The following PALM2AKAP2 variants were observed in gnomAD, a reference collection of about 807,000 sequenced individuals.
The protein encoded by PALM2AKAP2 is PALM2 and AKAP2 fusion, also known as PALM2-AKAP2 fusion protein.
Under a neutral mutation model 71.5 loss-of-function variants are expected in PALM2AKAP2, and 37 were observed. That is an observed-to-expected ratio of 0.52 (90% CI 0.40 to 0.68). The LOEUF (loss-of-function observed/expected upper bound fraction) is 0.68, where lower values mean the gene tolerates loss of function less well. Among genes scored for constraint, PALM2AKAP2 ranks in the 30% least tolerant of loss-of-function variants. The probability of loss-of-function intolerance (pLI) is 0.00; values close to 1 mark genes in which losing one functional copy is unlikely to be tolerated. For synonymous variants in PALM2AKAP2, 468 were observed against 478.8 expected, an observed-to-expected ratio of 0.98 and a Z score of 0.29; for missense variants, 1,224 against 1,191.8, an observed-to-expected ratio of 1.03 and a Z score of -0.40.
intron 1 of PALM2AKAP2, among the ~76,000 whole-genome samples, chr9:109,658,930 T>G (rs973320015): frequency 6.6e-6 from 1 of 152,218 alleles, no homozygotes; most frequent in Non-Finnish European, 1.5e-5. Context: ...GCAGGACCTT[T>G]ATGTGAAAAA....
At chr9:109,725,785 C>CA (rs1417639500) in intron 1 of PALM2AKAP2, among the ~76,000 whole-genome samples, 1 of 151,908 alleles carries the variant, frequency 6.6e-6, no homozygotes, top group Non-Finnish European at 1.5e-5. Flanking sequence ...CATGTAACTC[C>CA]AAAAAAAGTC....
At chr9:109,729,703 A>G (rs1472809487) in intron 1 of PALM2AKAP2, among the ~76,000 whole-genome samples, 1 of 152,212 alleles carries the variant, frequency 6.6e-6, no homozygotes, top group African/African-American at 2.4e-5. Flanking sequence ...CAAGGTGCAT[A>G]TTCTCCCAGA....
At chr9:109,920,024 G>A (rs751548412) in intron 3 of PALM2AKAP2, among the ~76,000 whole-genome samples, 11 of 152,150 alleles carry the variant, frequency 7.2e-5, no homozygotes, top group Non-Finnish European at 1.6e-4. Flanking sequence ...CCTATCTATG[G>A]GTTTGCCTCA....
chr9:109,833,615 A>T (rs990901835), intron 1 of PALM2AKAP2, among the ~76,000 whole-genome samples: 7 of 152,168 alleles, frequency 4.6e-5, no homozygotes, highest in African/African-American at 1.7e-4. Flanking sequence ...TCGAAGCATG[A>T]TTCAGTTGGG....
rs76777731 is a variant in PALM2AKAP2, at chr9:110,028,629, T to C, written c.582+12590T>C. Among the ~76,000 whole-genome samples the C allele has an allele frequency of 8.5e-5, 13 of 152,252 alleles. 1 individual carries two copies. In the East Asian group the frequency reaches 2.3e-3, roughly 27 times the overall value. On this transcript the variant is annotated intron_variant, in intron 7 of 9. Transcript: ENST00000302798. ...GGAAGGACACTTTGTAGCCTCTCTG[T>C]TTGGGTTTTAATAAGTGCAGGTTTA...
intron 1 of PALM2AKAP2, among the ~76,000 whole-genome samples, chr9:109,812,400 CTT>C (rs1317704586): frequency 7.2e-5 from 11 of 152,094 alleles, no homozygotes; most frequent in African/African-American, 2.7e-4. Flanking sequence ...GGGTTGGTCT[CTT>C]TGCTGGGCAA....
intron 1 of PALM2AKAP2, among the ~76,000 whole-genome samples, chr9:109,755,879 T>C (rs1244984997): frequency 6.6e-6 from 1 of 152,126 alleles, no homozygotes; most frequent in African/African-American, 2.4e-5. Context: ...TCATCATCAA[T>C]ACATACTTGG....
intron 1 of PALM2AKAP2, among the ~76,000 whole-genome samples, chr9:109,664,310 T>A (rs2118467049): frequency 6.6e-6 from 1 of 152,334 alleles, no homozygotes; most frequent in East Asian, 1.9e-4. Context: ...TTTGCCTGTT[T>A]TTGCGGTGGC....
At chr9:109,990,182 G>A (rs762584116) in intron 6 of PALM2AKAP2, among the ~76,000 whole-genome samples, 9 of 149,134 alleles carry the variant, frequency 6.0e-5, no homozygotes, top group Non-Finnish European at 1.2e-4. Flanking sequence ...AGTGATTCTC[G>A]TGCCTCAGCC....
At chr9:109,883,029 ATGT>A (rs1483318987) in intron 3 of PALM2AKAP2, among the ~76,000 whole-genome samples, 2 of 152,118 alleles carry the variant, frequency 1.3e-5, no homozygotes, top group Non-Finnish European at 2.9e-5. Flanking sequence ...GAATGCAAAT[ATGT>A]TGTTATTATG....
chr9:110,120,496 C>T (rs1469100174), intron 1 of PALM2AKAP2, among the ~76,000 whole-genome samples: 1 of 152,204 alleles, frequency 6.6e-6, no homozygotes, highest in Non-Finnish European at 1.5e-5. Context: ...ACCCTCTTCT[C>T]TCTGAAAGCC....
chr9:109,918,043 A>G (rs534695400), intron 3 of PALM2AKAP2, among the ~76,000 whole-genome samples: 1 of 152,318 alleles, frequency 6.6e-6, no homozygotes, highest in South Asian at 2.1e-4. Context: ...CAACTATTCT[A>G]CAGCATGTTG....
chr9:109,984,114 C>T (rs1341074929), intron 6 of PALM2AKAP2, among the ~76,000 whole-genome samples: 1 of 152,016 alleles, frequency 6.6e-6, no homozygotes, highest in African/African-American at 2.4e-5. Context: ...CTTTTTGGTG[C>T]GAACTTCTCC....
intron 2 of PALM2AKAP2, among the ~76,000 whole-genome samples, chr9:109,868,482 A>G (rs10980100): frequency 0.32 from 48,991 of 151,950 alleles, 7,787 homozygotes; most frequent in Admixed American, 0.36. Context: ...TGCTCAGAGG[A>G]CTGGGTGGGA....
intron 2 of PALM2AKAP2, among the ~76,000 whole-genome samples, chr9:109,870,998 A>G (rs1355713053): frequency 1.3e-5 from 2 of 152,244 alleles, no homozygotes; most frequent in African/African-American, 2.4e-5. Flanking sequence ...TATTCTTTAT[A>G]TAATTCTCAT....
chr9:110,016,900 G>A (rs1223068232), intron 7 of PALM2AKAP2, among the ~76,000 whole-genome samples: 1 of 151,574 alleles, frequency 6.6e-6, no homozygotes, highest in East Asian at 1.9e-4. Flanking sequence ...TTTTTTTTGA[G>A]ACGGAGTCTC....
intron 1 of PALM2AKAP2, among the ~76,000 whole-genome samples, chr9:110,132,360 C>CA (rs1835753743): frequency 6.9e-6 from 1 of 144,968 alleles, no homozygotes; most frequent in African/African-American, 2.5e-5. Context: ...GTGCGGGCTT[C>CA]TTTTTTTTTT....
intron 1 of PALM2AKAP2, among the ~76,000 whole-genome samples, chr9:110,070,010 A>G (rs1350748653): frequency 6.6e-6 from 1 of 152,172 alleles, no homozygotes; most frequent in Non-Finnish European, 1.5e-5. Context: ...TAATCGTGAG[A>G]CCCAGGAGAG....
chr9:109,788,391 C>T (rs1384267462), intron 1 of PALM2AKAP2, among the ~76,000 whole-genome samples: 1 of 152,076 alleles, frequency 6.6e-6, no homozygotes, highest in African/African-American at 2.4e-5. Flanking sequence ...GCCATTTGAC[C>T]GATGTTTTTG....
Sources: gnomAD v4.1 joint callset for allele counts (sites outside exome capture counted in the v4.1 genomes callset) on GRCh38, gnomAD v4.1.1 for gene constraint, MANE v1.5 for transcripts, NCBI Gene and HGNC (gene_info 2026-07-23, HGNC 2026-07-21) for gene names.